EYA2: variants seen among roughly 807,000 people sequenced by gnomAD.
The protein encoded by EYA2 is protein phosphatase EYA2.
In EYA2, 31 loss-of-function variants were observed where a neutral mutation model predicts 69.2. The observed-to-expected ratio is 0.45, with a 90% CI of 0.34 to 0.60. EYA2 has a LOEUF of 0.60. Among genes scored for constraint, EYA2 ranks in the 20% least tolerant of loss-of-function variants. The pLI, the probability that EYA2 is intolerant of heterozygous loss-of-function variation, is 0.02. For synonymous variants in EYA2, 257 were observed against 279.4 expected (o/e 0.92, Z 0.80); for missense variants, 622 against 701.2 (o/e 0.89, Z 1.28).
chr20:47,058,264 G>A (rs6094573), intron 5 of EYA2, among the ~76,000 whole-genome samples: 1 of 152,242 alleles, frequency 6.6e-6, no homozygotes, highest in South Asian at 2.1e-4. Flanking sequence ...TAGTCCCATA[G>A]GCTGGCAAAA....
At position 46,924,696 on chromosome 20, in the gene EYA2, C is replaced by T. The variant is rs1273600080; in HGVS notation, c.-11+29709C>T. 2.2e-5 allele frequency among the ~76,000 whole-genome samples: 3 copies of T among 136,822 alleles called. No individual in the cohort carries two copies. In the East Asian group the frequency reaches 6.7e-4, roughly 30 times the overall value. The allele number at this position is 136,822 out of a possible 152,430, so 89.8% of individuals were successfully genotyped here. ...AAAAAAAAAAAAAAAAAAAAAAAGC[C>T]CCAAGTGGGTAATTCCTTTCCTCTA... On this transcript the variant is annotated intron_variant, in intron 1 of 15. Transcript: ENST00000327619.
rs375979086 is a variant in EYA2 at position 47,170,596 on chromosome 20, G to A, written c.1037+1399G>A. On this transcript the variant is annotated intron_variant, in intron 11 of 15. Transcript: ENST00000327619. ...CAGGAGGCGGAGGTTGCAGCGAGCC[G>A]AGATCGTGCCACTGCACTCCAGCCT... is the stretch of plus-strand genomic sequence containing the variant. 1.1e-4 allele frequency among the ~76,000 whole-genome samples: 17 copies of A among 151,126 alleles called. No individual in the cohort carries two copies. In the East Asian group the frequency reaches 2.4e-3, roughly 21 times the overall value.
At position 47,187,349 on chromosome 20, in the gene EYA2, A is replaced by AAAAG. The variant is rs569873268; in HGVS notation, c.1537-688_1537-685dup. Among the ~76,000 whole-genome samples the AAAAG allele has an allele frequency of 3.2e-3, 488 of 151,686 alleles. 2 individuals carry two copies. Among genetic ancestry groups the AAAAG allele is most frequent in the Non-Finnish European group, 4.8e-3 (327 of 67,960 alleles). On this transcript the variant is annotated intron_variant, in intron 15 of 15. Transcript: ENST00000327619. ...ATGTCACTGCACTCTAGCCTGTCTC[A>AAAAG]AAAGAAAGAAAGAAAGAAAAAAAAA...
intron 5 of EYA2, among the ~76,000 whole-genome samples, chr20:47,069,491 T>TA (rs984976554): frequency 3.3e-5 from 5 of 151,914 alleles, no homozygotes; most frequent in South Asian, 4.2e-4. Context: ...TTCTGTTTTT[T>TA]AAAAAAAATC....
At chr20:47,101,256 TAA>T (rs1174844022) in intron 9 of EYA2, among the ~76,000 whole-genome samples, 1 of 152,158 alleles carries the variant, frequency 6.6e-6, no homozygotes, top group African/African-American at 2.4e-5. Context: ...AGCTAATTTT[TAA>T]AAGTTTTTTG....
rs937799655 is a variant in EYA2 at position 46,968,785 on chromosome 20, G to A, written c.-10-21216G>A. 4.6e-5 allele frequency among the ~76,000 whole-genome samples: 7 copies of A among 151,536 alleles called. No individual in the cohort carries two copies. In the East Asian group the frequency reaches 5.8e-4, roughly 13 times the overall value. ...GGGCAGCAAAATCCCACCCCGCCGC[G>A]CCCCCCACCGACCCCACTAAGAACC... On this transcript the variant is annotated intron_variant, in intron 1 of 15. Coordinates refer to ENST00000327619, the MANE Select transcript of EYA2 (RefSeq NM_005244.5).
chr20:46,945,075 G>C lies in EYA2; in HGVS notation c.-10-44926G>C, dbSNP rs1214402916. 2.0e-5 allele frequency among the ~76,000 whole-genome samples: 3 copies of C among 151,770 alleles called. No individual in the cohort carries two copies. The East Asian group carries it at 5.8e-4, about 29-fold the overall frequency. On this transcript the variant is annotated intron_variant, in intron 1 of 15. Transcript: ENST00000327619. ...GCCTAGATCAAGCCACTCCACTCCA[G>C]CCTGAGTGACAGTCTGGGTGACAGA...
At chr20:47,109,740 A>T (rs2032695271) in intron 9 of EYA2, among the ~76,000 whole-genome samples, 1 of 152,094 alleles carries the variant, frequency 6.6e-6, no homozygotes, top group Non-Finnish European at 1.5e-5. Context: ...TCACTCTAAC[A>T]CAATAGTTTT....
chr20:46,954,769 C>G (rs3092737), intron 1 of EYA2, among the ~76,000 whole-genome samples: 5 of 152,172 alleles, frequency 3.3e-5, no homozygotes, highest in Non-Finnish European at 5.9e-5. Flanking sequence ...TTCATGTCAA[C>G]CCTGAGCTGC....
chr20:46,941,409 T>C (rs759354001), intron 1 of EYA2, among the ~76,000 whole-genome samples: 3 of 152,238 alleles, frequency 2.0e-5, no homozygotes, highest in Non-Finnish European at 2.9e-5. Context: ...TGGCCTTTCA[T>C]AGCCTCCTTC....
rs1301849371 is a variant in EYA2 at position 46,988,019 on chromosome 20, A to C, written c.-10-1982A>C. On this transcript the variant is annotated intron_variant, in intron 1 of 15. Coordinates refer to ENST00000327619, the MANE Select transcript of EYA2 (RefSeq NM_005244.5). ...ATATGGGGCAAAAAAAAAATACAGA[A>C]TAAAAATAATATATGTTTTAAAACA... is the stretch of plus-strand genomic sequence containing the variant. Among the ~76,000 whole-genome samples the C allele has an allele frequency of 2.2e-5, 3 of 134,472 alleles. No individual in the cohort carries two copies. The East Asian group carries it at 6.4e-4, about 29-fold the overall frequency. The allele number at this position is 134,472 out of a possible 152,430, so 88.2% of individuals were successfully genotyped here.
chr20:46,904,174 A>T (rs1037514017), intron 1 of EYA2, among the ~76,000 whole-genome samples: 7 of 152,186 alleles, frequency 4.6e-5, no homozygotes, highest in Admixed American at 3.3e-4. Flanking sequence ...CATCGGAGAC[A>T]GCAGTTAACT....
chr20:47,163,116 A>G (rs142172233), intron 10 of EYA2, among the ~76,000 whole-genome samples: 2,523 of 149,944 alleles, frequency 0.017, 70 homozygotes, highest in African/African-American at 0.059. Flanking sequence ...TGTAACCTCC[A>G]CCTCCTGGGC....
chr20:47,183,915 A>G (rs2034586572), intron 15 of EYA2, among the ~76,000 whole-genome samples: 1 of 152,050 alleles, frequency 6.6e-6, no homozygotes, highest in African/African-American at 2.4e-5. Flanking sequence ...AGAGGCTGCC[A>G]CCCCCAACCC....
chr20:47,144,431 G>A (rs1389239230), intron 10 of EYA2, among the ~76,000 whole-genome samples: 1 of 152,010 alleles, frequency 6.6e-6, no homozygotes, highest in Non-Finnish European at 1.5e-5. Flanking sequence ...ATTTCTCTTA[G>A]TAGGAATATT....
At chr20:47,155,573 G>A (rs1541256) in intron 10 of EYA2, among the ~76,000 whole-genome samples, 5 of 151,986 alleles carry the variant, frequency 3.3e-5, no homozygotes, top group Admixed American at 1.3e-4. Flanking sequence ...GGCACAGAGC[G>A]GTTCACTTGT....
intron 5 of EYA2, among the ~76,000 whole-genome samples, chr20:47,039,839 T>TTC: frequency 7.6e-6 from 1 of 130,874 alleles, no homozygotes; most frequent in Non-Finnish European, 1.6e-5. Context: ...CAAATACTTT[T>TTC]TTTTTTTTTT....
At chr20:47,031,750 TCTGCAC>T (rs1311417966) in intron 5 of EYA2, among the ~76,000 whole-genome samples, 1 of 152,140 alleles carries the variant, frequency 6.6e-6, no homozygotes, top group Non-Finnish European at 1.5e-5. Context: ...ACAACCAGGG[TCTGCAC>T]CTGCACAATT....
intron 12 of EYA2, among the ~76,000 whole-genome samples, chr20:47,178,668 A>G (rs971372727): frequency 3.3e-5 from 5 of 151,714 alleles, no homozygotes; most frequent in African/African-American, 1.2e-4. Context: ...ACCTGTGTCC[A>G]TTTTTGTTCA....
Sources: gnomAD v4.1 joint callset for allele counts (sites outside exome capture counted in the v4.1 genomes callset) on GRCh38, gnomAD v4.1.1 for gene constraint, MANE v1.5 for transcripts, NCBI Gene and HGNC (gene_info 2026-07-23, HGNC 2026-07-21) for gene names.